The following ANKRD17 variants were observed in gnomAD, a reference collection of about 807,000 sequenced individuals.
ANKRD17 encodes the protein ankyrin repeat domain 17, also known as ankyrin repeat domain-containing protein 17.
A neutral mutation model predicts 229.7 loss-of-function variants in ANKRD17; 19 were observed. That is an observed-to-expected ratio of 0.08 (90% CI 0.06 to 0.12). The LOEUF is 0.12. Ranked by LOEUF, ANKRD17 falls within the 10% of genes least tolerant of loss-of-function variation. The pLI, the probability that ANKRD17 is intolerant of heterozygous loss-of-function variation, is 1.00. For synonymous variants in ANKRD17, 1,112 were observed against 1,146.1 expected, an observed-to-expected ratio of 0.97 and a Z score of 0.60; for missense variants, 2,176 against 3,176.8, an observed-to-expected ratio of 0.68 and a Z score of 7.57.
At chr4:73,098,945 G>C in intron 25 of ANKRD17, 6 of 998,704 alleles carry the variant, frequency 6.0e-6, no homozygotes, top group East Asian at 4.8e-5. Flanking sequence ...GACAGCACTG[G>C]TAGGGAGTCA....
chr4:73,204,653 C>G (rs1192398082), intron 1 of ANKRD17, among the ~76,000 whole-genome samples: 1 of 151,904 alleles, frequency 6.6e-6, no homozygotes, highest in Non-Finnish European at 1.5e-5. Flanking sequence ...AAGAAAATAT[C>G]TTTAAATAAT....
intron 1 of ANKRD17, among the ~76,000 whole-genome samples, chr4:73,179,621 G>A (rs902870001): frequency 6.7e-6 from 1 of 148,530 alleles, no homozygotes; most frequent in African/African-American, 2.5e-5. Flanking sequence ...GGCCTCCCAA[G>A]TAGCTGGGAT....
At chr4:73,103,852 T>G (rs1724295654) in intron 24 of ANKRD17, among the ~76,000 whole-genome samples, 1 of 151,706 alleles carries the variant, frequency 6.6e-6, no homozygotes, top group South Asian at 2.1e-4. Flanking sequence ...TAAGCCAAAT[T>G]TAGCAGCTGG....
chr4:73,087,213 G>C (rs1028509673), intron 29 of ANKRD17, among the ~76,000 whole-genome samples: 1 of 151,356 alleles, frequency 6.6e-6, no homozygotes, highest in African/African-American at 2.4e-5. Context: ...AGCCTCCCAA[G>C]TAGGTGGGAT....
At chr4:73,227,137 C>A (rs1422268941) in intron 1 of ANKRD17, among the ~76,000 whole-genome samples, 1 of 152,056 alleles carries the variant, frequency 6.6e-6, no homozygotes, top group East Asian at 1.9e-4. Flanking sequence ...ATCCTAAAAA[C>A]AAGCCACCTT....
At chr4:73,157,503 G>A (rs980107520) in intron 3 of ANKRD17, among the ~76,000 whole-genome samples, 5 of 152,058 alleles carry the variant, frequency 3.3e-5, no homozygotes, top group Admixed American at 6.6e-5. Flanking sequence ...TCTCACTTTC[G>A]TATAAAATAA....
At chr4:73,099,627 C>G (rs1723721140) in intron 25 of ANKRD17, among the ~76,000 whole-genome samples, 1 of 152,218 alleles carries the variant, frequency 6.6e-6, no homozygotes, top group Admixed American at 6.5e-5. Context: ...ACTCCACTGC[C>G]CTAGCAGCAG....
chr4:73,200,547 T>C (rs1366562249), intron 1 of ANKRD17, among the ~76,000 whole-genome samples: 3 of 152,150 alleles, frequency 2.0e-5, no homozygotes, highest in African/African-American at 7.2e-5. Flanking sequence ...GTGATACTAA[T>C]ACCAGGTGAA....
At position 73,074,159 on chromosome 4, in the gene ANKRD17, AAGTC is replaced by A. The variant is rs1446205949; in HGVS notation, c.*2068_*2071del. 6.6e-6 allele frequency: 1 copy of A among 152,004 alleles called. No individual in the cohort carries two copies. The highest frequency in any genetic ancestry group is 1.9e-4 in the East Asian group (1 of 5,198). 9.4% of individuals were successfully genotyped at this position (152,004 alleles called of 1,614,324 possible). On this transcript the variant is annotated 3_prime_UTR_variant, in exon 34 of 34. Transcript: ENST00000358602. ...TATATCCCCTGGCCCCACAGGTTTG[AAGTC>A]AAGAAAATATAGGAGTTTTCCCCCT...
chr4:73,212,532 C>A (rs1247815123), intron 1 of ANKRD17, among the ~76,000 whole-genome samples: 1 of 151,812 alleles, frequency 6.6e-6, no homozygotes, highest in Non-Finnish European at 1.5e-5. Context: ...CTAGAGCTAT[C>A]TCCCTTGACT....
At position 73,156,173 on chromosome 4, in the gene ANKRD17, C is replaced by T. The variant is rs374701183; in HGVS notation, c.705-7G>A. On this transcript the variant is annotated splice_polypyrimidine_tract_variant and splice_region_variant and intron_variant, in intron 3 of 33. Coordinates refer to ENST00000358602, the MANE Select transcript of ANKRD17 (RefSeq NM_032217.5). ...GGCTTCTGCCAAACTGCGGCTATTA[C>T]GGAAAGAATATCACAATACCAGAAT... 3.7e-5 allele frequency: 59 copies of T among 1,584,278 alleles called. No individual in the cohort carries two copies. The highest frequency in any genetic ancestry group is 4.4e-5 in the Non-Finnish European group (52 of 1,171,618).
intron 1 of ANKRD17, among the ~76,000 whole-genome samples, chr4:73,212,239 C>T (rs1740376473): frequency 6.6e-6 from 1 of 152,016 alleles, no homozygotes; most frequent in Non-Finnish European, 1.5e-5. Flanking sequence ...ACTGAAGATA[C>T]CAACAACAAA....
chr4:73,223,376 A>C (rs1742112874), intron 1 of ANKRD17, among the ~76,000 whole-genome samples: 2 of 152,228 alleles, frequency 1.3e-5, no homozygotes, highest in Admixed American at 1.3e-4. Flanking sequence ...TGGTTGAACA[A>C]AAGAGGTTGA....
intron 1 of ANKRD17, among the ~76,000 whole-genome samples, chr4:73,236,075 A>T (rs573061915): frequency 2.6e-5 from 4 of 152,108 alleles, no homozygotes; most frequent in Non-Finnish European, 5.9e-5. Flanking sequence ...TTCAAAGAAA[A>T]ATTCTGTAGC....
intron 16 of ANKRD17, among the ~76,000 whole-genome samples, chr4:73,130,417 T>C (rs1362498990): frequency 1.3e-5 from 2 of 152,138 alleles, no homozygotes; most frequent in Non-Finnish European, 2.9e-5. Flanking sequence ...GTTCTTTATA[T>C]TGCAAAACCA....
chr4:73,235,287 T>G (rs1409009126), intron 1 of ANKRD17, among the ~76,000 whole-genome samples: 1 of 152,208 alleles, frequency 6.6e-6, no homozygotes, highest in African/African-American at 2.4e-5. Context: ...GACAGTCATC[T>G]TTGGCTGAAA....
At chr4:73,151,722 C>A (rs1731021692) in intron 6 of ANKRD17, among the ~76,000 whole-genome samples, 198 bp from the exon 7 acceptor site, 1 of 152,152 alleles carries the variant, frequency 6.6e-6, no homozygotes, top group Non-Finnish European at 1.5e-5. Flanking sequence ...TACCCTACTG[C>A]CCTATAAACT....
chr4:73,143,061 A>C (rs1279875880), intron 11 of ANKRD17, among the ~76,000 whole-genome samples: 2 of 152,202 alleles, frequency 1.3e-5, no homozygotes, highest in Non-Finnish European at 2.9e-5. Flanking sequence ...CATTACTCCT[A>C]ATGTAATAAC....
At chr4:73,186,222 T>G (rs919218021) in intron 1 of ANKRD17, among the ~76,000 whole-genome samples, 2 of 151,962 alleles carry the variant, frequency 1.3e-5, no homozygotes, top group African/African-American at 4.8e-5. Flanking sequence ...GGTAAATTAT[T>G]CCAAAATTAA....
Sources: gnomAD v4.1 joint callset for allele counts (sites outside exome capture counted in the v4.1 genomes callset) on GRCh38, gnomAD v4.1.1 for gene constraint, MANE v1.5 for transcripts, NCBI Gene and HGNC (gene_info 2026-07-23, HGNC 2026-07-21) for gene names.